GABRG3: variants seen among roughly 807,000 people sequenced by gnomAD.
GABRG3 encodes the protein gamma-aminobutyric acid receptor subunit gamma-3.
GABRG3 carries 25 observed loss-of-function variants against 48.8 expected under a neutral mutation model. The observed-to-expected ratio is 0.51, with a 90% CI of 0.37 to 0.72. The LOEUF is 0.72. GABRG3 is among the 30% of genes least tolerant of loss of function. GABRG3 has a pLI of 0.00. For synonymous variants in GABRG3, 227 were observed against 217.6 expected (o/e 1.04, Z -0.38); for missense variants, 394 against 577.9 (o/e 0.68, Z 3.26).
At chr15:27,306,612 TAAAC>T (rs2140498061) in intron 3 of GABRG3, among the ~76,000 whole-genome samples, 1 of 128,188 alleles carries the variant, frequency 7.8e-6, no homozygotes, top group African/African-American at 3.0e-5. Flanking sequence ...TGTTTATATA[TAAAC>T]ATATATAATA....
intron 3 of GABRG3, among the ~76,000 whole-genome samples, chr15:27,313,632 T>A (rs1016895246): frequency 2.0e-5 from 3 of 151,694 alleles, no homozygotes; most frequent in African/African-American, 7.3e-5. Context: ...TCACACCAAA[T>A]ATATTTTCCA....
chr15:27,140,821 T>C (rs1232156753), intron 3 of GABRG3, among the ~76,000 whole-genome samples: 2 of 152,216 alleles, frequency 1.3e-5, no homozygotes, highest in Non-Finnish European at 2.9e-5. Context: ...TGTTTATTCA[T>C]CTATTGATTT....
In GABRG3 at chr15:27,167,528, A is replaced by T. The variant is rs547443686; in HGVS notation, c.270+140707A>T. On this transcript the variant is annotated intron_variant, in intron 3 of 9. Transcript: ENST00000615808. ...CAGAGTGAGGCTATTGTTCTTAGTT[A>T]ACAGAGGCTAAAACTAATCAGATTT... Among the ~76,000 whole-genome samples, 8 of 152,306 alleles carry T rather than the reference A, an allele frequency of 5.3e-5. No homozygotes were observed. The East Asian group carries it at 1.5e-3, about 29-fold the overall frequency.
chr15:27,362,130 G>T (rs915138146), intron 5 of GABRG3, among the ~76,000 whole-genome samples: 80 of 152,162 alleles, frequency 5.3e-4, no homozygotes, highest in African/African-American at 1.8e-3. Context: ...TGCTAGACTG[G>T]ATGTTCTCCC....
intron 3 of GABRG3, among the ~76,000 whole-genome samples, chr15:27,055,817 C>G (rs973697250): frequency 6.6e-6 from 1 of 151,640 alleles, no homozygotes; most frequent in African/African-American, 2.4e-5. Context: ...GAGAACAAAG[C>G]AAAAGCATTC....
intron 2 of GABRG3, among the ~76,000 whole-genome samples, chr15:27,000,068 C>A (rs116505486): frequency 0.015 from 2,210 of 152,174 alleles, 65 homozygotes; most frequent in African/African-American, 0.051. Flanking sequence ...GCTTCTAATT[C>A]TAATATTTGC....
chr15:27,050,830 T>C (rs1247382691), intron 3 of GABRG3, among the ~76,000 whole-genome samples: 1 of 152,190 alleles, frequency 6.6e-6, no homozygotes, highest in Admixed American at 6.5e-5. Flanking sequence ...GATTACTATA[T>C]ATTAAGCATT....
Position 26,977,022 on chromosome 15 carries a change from A to T in GABRG3, c.74A>T (p.Asp25Val). ...TCCAGGTCCAGAAAGGTGGAAGAGGATGAATATGAAGATTCATCATCAAAC... is the reference window on the plus strand; with the variant it reads ...TCCAGGTCCAGAAAGGTGGAAGAGGTTGAATATGAAGATTCATCATCAAAC... ...LHARSRKVEE[D>V]EYEDSSSNQK... Residue 25 changes from aspartate to valine, a missense_variant, in exon 2 of 10, where the codon GAT becomes GTT. This residue lies in a region of GABRG3 where 218 missense variants were observed against 309.9 expected (regional missense o/e 0.70). Coordinates refer to ENST00000615808, the MANE Select transcript of GABRG3 (RefSeq NM_033223.5). The T allele has an allele frequency of 6.2e-7, 1 of 1,613,928 alleles. No homozygotes were observed. Among genetic ancestry groups the T allele is most frequent in the Non-Finnish European group, 8.5e-7 (1 of 1,179,870 alleles).
At chr15:27,137,265 CA>C (rs1898026352) in intron 3 of GABRG3, among the ~76,000 whole-genome samples, 1 of 152,144 alleles carries the variant, frequency 6.6e-6, no homozygotes, top group Non-Finnish European at 1.5e-5. Context: ...TCTCCTAGTC[CA>C]TGGACTCTAC....
intron 3 of GABRG3, among the ~76,000 whole-genome samples, chr15:27,225,953 G>A (rs181185548): frequency 3.7e-4 from 56 of 152,238 alleles, no homozygotes; most frequent in Non-Finnish European, 6.9e-4. Context: ...CAGATTAGGG[G>A]CTCCCTTTGG....
Position 27,043,907 on chromosome 15 carries a change from C to T in GABRG3, c.270+17086C>T, listed in dbSNP as rs189798764. Among the ~76,000 whole-genome samples the T allele has an allele frequency of 2.0e-3, 298 of 152,304 alleles. 1 individual carries two copies. Among genetic ancestry groups the T allele is most frequent in the Non-Finnish European group, 2.5e-3 (169 of 68,026 alleles). On this transcript the variant is annotated intron_variant, in intron 3 of 9. Transcript: ENST00000615808. The stretch of plus-strand genomic sequence containing the variant: ...GCCCAGAAGAAGCTGCTTCCAGAGC[C>T]GTCTCCTGCCTGCCAGCAGGATGCA...
intron 5 of GABRG3, among the ~76,000 whole-genome samples, chr15:27,388,910 T>A (rs1407115258): frequency 6.6e-6 from 1 of 152,168 alleles, no homozygotes; most frequent in East Asian, 1.9e-4. Flanking sequence ...GAATTTTTCC[T>A]CGCCTTAACC....
At chr15:27,073,783 A>T (rs1896864880) in intron 3 of GABRG3, among the ~76,000 whole-genome samples, 1 of 152,142 alleles carries the variant, frequency 6.6e-6, no homozygotes, top group Admixed American at 6.6e-5. Flanking sequence ...CAAGGTGGAG[A>T]TTGGGGTGTC....
intron 3 of GABRG3, among the ~76,000 whole-genome samples, chr15:27,193,068 C>T (rs931839041): frequency 6.6e-6 from 1 of 152,162 alleles, no homozygotes; most frequent in African/African-American, 2.4e-5. Flanking sequence ...TCTGATCGTT[C>T]CTCTGGAAGT....
intron 3 of GABRG3, among the ~76,000 whole-genome samples, chr15:27,223,878 T>C (rs1889528939): frequency 6.6e-6 from 1 of 152,232 alleles, no homozygotes; most frequent in Non-Finnish European, 1.5e-5. Flanking sequence ...CTCTACCATC[T>C]CTTCTGTATT....
At chr15:27,227,199 A>C (rs1250795921) in intron 3 of GABRG3, among the ~76,000 whole-genome samples, 1 of 152,210 alleles carries the variant, frequency 6.6e-6, no homozygotes, top group Non-Finnish European at 1.5e-5. Context: ...TAAGAAATAA[A>C]AACAGGCCAG....
chr15:26,978,664 T>C (rs1583233), intron 2 of GABRG3, among the ~76,000 whole-genome samples: 88,308 of 151,972 alleles, frequency 0.58, 27,036 homozygotes, highest in East Asian at 0.9. Context: ...TCTGGTTCTC[T>C]GTTTCGCTCT....
chr15:27,291,665 G>A (rs1206176907), intron 3 of GABRG3, among the ~76,000 whole-genome samples: 2 of 152,192 alleles, frequency 1.3e-5, no homozygotes, highest in African/African-American at 2.4e-5. Context: ...TAGAGTTCAT[G>A]TTCCAAATTT....
chr15:27,424,874 A>G (rs77694103), intron 5 of GABRG3, among the ~76,000 whole-genome samples: 6,796 of 152,186 alleles, frequency 0.045, 177 homozygotes, highest in Middle Eastern at 0.11. Context: ...TCTTAATAAT[A>G]TCACATTGGT....
Sources: gnomAD v4.1 joint callset for allele counts (sites outside exome capture counted in the v4.1 genomes callset) on GRCh38, gnomAD v4.1.1 for gene constraint, gnomAD v4.1.1 regional missense constraint, MANE v1.5 for transcripts, NCBI Gene and HGNC (gene_info 2026-07-23, HGNC 2026-07-21) for gene names.